Variants in KCNQ2 observed in about 807,000 individuals in gnomAD.
KCNQ2 encodes the protein potassium voltage-gated channel subfamily Q member 2, also known as potassium voltage-gated channel subfamily KQT member 2.
Under a neutral mutation model 84.8 loss-of-function variants are expected in KCNQ2, and 14 were observed. That is an observed-to-expected ratio of 0.17 (90% CI 0.11 to 0.26). The LOEUF is 0.26. Ranked by LOEUF, KCNQ2 falls within the 10% of genes least tolerant of loss-of-function variation. The pLI is 1.00. For synonymous variants in KCNQ2, 599 were observed against 554.1 expected (o/e 1.08, Z -1.14); for missense variants, 788 against 1,254.0 (o/e 0.63, Z 5.61).
Position 63,406,897 on chromosome 20 carries a change from G to A in KCNQ2, c.2366C>T (p.Ser789Phe). 1 of 1,611,474 alleles carries A rather than the reference G, an allele frequency of 6.2e-7. No homozygotes were observed. The highest frequency in any genetic ancestry group is 8.5e-7 in the Non-Finnish European group (1 of 1,179,556). ...GNLRDSDTSI[S>F]IPSVDHEELE... ...CTCCTCGTGGTCCACGGACGGGATGGAGATGGACGTGTCGCTGTCCCGCAG... is the reference window on the plus strand; with the variant it reads ...CTCCTCGTGGTCCACGGACGGGATGAAGATGGACGTGTCGCTGTCCCGCAG... Residue 789 changes from serine (S) to phenylalanine (F), a missense_variant, in exon 17 of 17, where the codon TCC (serine) becomes TTC (phenylalanine). Ser to Phe is a radical substitution (Grantham distance 155). Transcript: ENST00000359125.
intron 5 of KCNQ2, among the ~76,000 whole-genome samples, chr20:63,440,359 C>T (rs1243637875): frequency 6.6e-6 from 1 of 152,172 alleles, no homozygotes; most frequent in Non-Finnish European, 1.5e-5. Context: ...AGGACGGACA[C>T]GTCTCCAAGC....
chr20:63,471,896 A>C, intron 1 of KCNQ2: 1 of 405,794 alleles, frequency 2.5e-6, no homozygotes. Flanking sequence ...CAGGCTGAGG[A>C]GGGGGCTGGG....
chr20:63,445,808 T>A (rs2081402954), intron 2 of KCNQ2, among the ~76,000 whole-genome samples: 4 of 146,012 alleles, frequency 2.7e-5, no homozygotes, highest in African/African-American at 1.0e-4. Context: ...GGAGGCCCTG[T>A]CTGAGCTGGG....
At chr20:63,464,348 G>A (rs569777236) in intron 1 of KCNQ2, among the ~76,000 whole-genome samples, 2 of 152,044 alleles carry the variant, frequency 1.3e-5, no homozygotes, top group Admixed American at 6.5e-5. Flanking sequence ...AGTGCCCCGA[G>A]GCCTCGGGGC....
chr20:63,435,089 A>T (rs755504400), intron 7 of KCNQ2, among the ~76,000 whole-genome samples: 11 of 152,146 alleles, frequency 7.2e-5, no homozygotes, highest in African/African-American at 1.9e-4. Context: ...CACTACGCTG[A>T]TTTGCCATTT....
rs1601572937 is a variant in KCNQ2 at position 63,414,936 on chromosome 20, T to G, written c.1492A>C (p.Ile498Leu). Residue 498 changes from isoleucine (I) to leucine (L), a missense_variant, in exon 13 of 17, where the codon ATC (isoleucine) becomes CTC (leucine). Ile to Leu is a conservative substitution (Grantham distance 5, BLOSUM62 2). Transcript: ENST00000359125. The surrounding 1 kb of genome is among the most constrained non-coding windows in gnomAD (Gnocchi z 6.6). ...TTCTGCCGTGACGCGGCACCCTTGA[T>G]GCGGAAAGCCTGGCGTGCCCGGCTG... is the stretch of plus-strand genomic sequence containing the variant. ...DRSRARQAFR[I>L]KGAASRQNSE... 1.9e-6 allele frequency: 3 copies of G among 1,612,648 alleles called. No homozygotes were observed. Among genetic ancestry groups the G allele is most frequent in the Non-Finnish European group, 2.5e-6 (3 of 1,179,962 alleles).
At chr20:63,416,382 G>A (rs752941346) in intron 12 of KCNQ2, among the ~76,000 whole-genome samples, 1 of 152,212 alleles carries the variant, frequency 6.6e-6, no homozygotes, top group Non-Finnish European at 1.5e-5. Context: ...TGAGGGGAGG[G>A]GAGGGTTCAC....
intron 1 of KCNQ2, among the ~76,000 whole-genome samples, chr20:63,449,761 C>T (rs2081550996): frequency 6.6e-6 from 1 of 150,826 alleles, no homozygotes; most frequent in South Asian, 2.8e-4. Flanking sequence ...TGTCTGCGGC[C>T]TGCAGGGAGA....
chr20:63,410,984 G>A (rs531565602), intron 15 of KCNQ2: 105 of 456,316 alleles, frequency 2.3e-4, no homozygotes, highest in Non-Finnish European at 3.7e-4. Flanking sequence ...AGGCAAGAAG[G>A]CCTTGGAAAG....
chr20:63,439,396 T>A (rs2081092876), intron 6 of KCNQ2, among the ~76,000 whole-genome samples: 1 of 152,196 alleles, frequency 6.6e-6, no homozygotes, highest in Non-Finnish European at 1.5e-5. Flanking sequence ...CTGTCGGGGC[T>A]GGGGAACCCC....
chr20:63,461,580 G>A (rs1015909286), intron 1 of KCNQ2, among the ~76,000 whole-genome samples: 28 of 152,270 alleles, frequency 1.8e-4, no homozygotes, highest in Admixed American at 3.9e-4. Flanking sequence ...CCCGGGGGCC[G>A]GCCCTCCTCC....
intron 5 of KCNQ2, among the ~76,000 whole-genome samples, chr20:63,441,582 G>T (rs967856795): frequency 3.3e-5 from 5 of 152,270 alleles, no homozygotes; most frequent in Non-Finnish European, 7.4e-5. Flanking sequence ...AAAAGTCCTA[G>T]GGCCCAGCAG....
In KCNQ2 at chr20:63,417,222, G is replaced by A. The variant is rs147227077; in HGVS notation, c.1302-2096C>T. 1.2e-4 allele frequency among the ~76,000 whole-genome samples: 19 copies of A among 152,282 alleles called. No homozygotes were observed. In the East Asian group the frequency reaches 2.9e-3, roughly 23 times the overall value. On this transcript the variant is annotated intron_variant, in intron 12 of 16. Transcript: ENST00000359125. ...CCCAACAACAAAAGCACAGGTGGTC[G>A]GGGAGAACCGGACGGGGGCCAGGGG...
Position 63,471,869 on chromosome 20 carries a change from C to A in KCNQ2, c.296+299G>T, listed in dbSNP as rs553514689. The A allele has an allele frequency of 4.0e-3, 1,485 of 367,460 alleles. 7 individuals carry two copies. Among genetic ancestry groups the A allele is most frequent in the Admixed American group, 5.6e-3 (114 of 20,396 alleles). The allele number at this position is 367,460 out of a possible 1,614,324, so 22.8% of individuals were successfully genotyped here. On this transcript the variant is annotated intron_variant, in intron 1 of 16. Coordinates refer to ENST00000359125, the MANE Select transcript of KCNQ2 (RefSeq NM_172107.4). Reference sequence around the variant, plus strand: ...CCGGCCCTTTGTTCGGCGCAGAGGCCGCGGGGAGGGGCCTCCCAGGCTGAG... The same window carrying A: ...CCGGCCCTTTGTTCGGCGCAGAGGCAGCGGGGAGGGGCCTCCCAGGCTGAG...
At chr20:63,421,679 C>A (rs1403509202) in intron 11 of KCNQ2, among the ~76,000 whole-genome samples, 1 of 152,006 alleles carries the variant, frequency 6.6e-6, no homozygotes, top group Non-Finnish European at 1.5e-5. Flanking sequence ...GAGGGGGAGC[C>A]CGAACAGGCA....
chr20:63,418,184 A>G (rs2080356896), intron 12 of KCNQ2, among the ~76,000 whole-genome samples: 1 of 152,144 alleles, frequency 6.6e-6, no homozygotes, highest in Non-Finnish European at 1.5e-5. Flanking sequence ...CCTCGGCCAC[A>G]AGCCAAGAAC....
rs1369479233 is a variant in KCNQ2, at chr20:63,439,622, A to G, written c.903T>C (p.Gly301=). The G allele has an allele frequency of 1.9e-6, 3 of 1,613,538 alleles. No homozygotes were observed. The highest frequency in any genetic ancestry group is 2.5e-6 in the Non-Finnish European group (3 of 1,179,912). Reference sequence around the variant, plus strand: ...CTGCAGGCAGCGCGAAGAAGGAGACACCGATGAGGGTGAAGGTTGCCGCAA... The same window carrying G: ...CTGCAGGCAGCGCGAAGAAGGAGACGCCGATGAGGGTGAAGGTTGCCGCAA... The part of the protein sequence containing the change: ...RLLAATFTLI[G]VSFFALPAGI... The change falls in exon 6 of 17, where the codon GGT becomes GGC. Residue 301 remains glycine (G), a synonymous_variant. Coordinates refer to ENST00000359125, the MANE Select transcript of KCNQ2 (RefSeq NM_172107.4).
chr20:63,415,014 T>A lies in KCNQ2; in HGVS notation c.1414A>T (p.Ser472Cys). ...TVRRSPSADQ[S>C]LEDSPSKVPK... is the part of the protein sequence containing the mutation. ...ACCTTGCTGGGGCTGTCCTCGAGGCTCTGGTCGGCGCTGGGTGACCGCCTC... is the reference window on the plus strand; with the variant it reads ...ACCTTGCTGGGGCTGTCCTCGAGGCACTGGTCGGCGCTGGGTGACCGCCTC... The change falls in exon 13 of 17, where the codon AGC becomes TGC. Residue 472 changes from serine to cysteine, a missense_variant. This residue lies in a region of KCNQ2 where 202 missense variants were observed against 239.4 expected (regional missense o/e 0.84). Transcript: ENST00000359125. 1 of 1,610,618 alleles carries A rather than the reference T, an allele frequency of 6.2e-7. No individual in the cohort carries two copies. Among genetic ancestry groups the A allele is most frequent in the Non-Finnish European group, 8.5e-7 (1 of 1,179,922 alleles).
chr20:63,406,799 C>G lies in KCNQ2; in HGVS notation c.2464G>C (p.Ala822Pro), dbSNP rs751425807. Residue 822 changes from alanine to proline, a missense_variant, in exon 17 of 17, where the codon GCG (alanine) becomes CCG (proline). Transcript: ENST00000359125. Reference protein sequence around the residue: ...ENLDALNSCYAAVAPCAKVRP... With the variant: ...ENLDALNSCYPAVAPCAKVRP... ...ACTTTGGCACAAGGCGCCACGGCCG[C>G]GTAGCAGCTGTTGAGAGCATCCAGG... 6.2e-7 allele frequency: 1 copy of G among 1,612,648 alleles called. No homozygotes were observed. Among genetic ancestry groups the G allele is most frequent in the South Asian group, 1.1e-5 (1 of 91,074 alleles).
Sources: allele counts gnomAD v4.1 joint callset (sites outside exome capture counted in the v4.1 genomes callset), GRCh38; gene constraint gnomAD v4.1.1; regional missense constraint gnomAD v4.1.1; non-coding constraint Gnocchi (gnomAD v3.1); transcripts MANE v1.5; gene names NCBI Gene and HGNC (gene_info 2026-07-23, HGNC 2026-07-21).